Variants in CSMD2 observed in about 807,000 individuals in gnomAD.
CSMD2 encodes the protein CUB and sushi domain-containing protein 2.
A neutral mutation model predicts 398.5 loss-of-function variants in CSMD2; 130 were observed. That is an observed-to-expected ratio of 0.33 (90% CI 0.28 to 0.38). CSMD2 has a LOEUF of 0.38. CSMD2 is among the 10% of genes least tolerant of loss of function. CSMD2 has a pLI of 1.00. For missense variants in CSMD2, 3,829 were observed against 4,764.9 expected (o/e 0.80, Z 5.78); for synonymous variants, 1,828 against 1,908.5 (o/e 0.96, Z 1.10).
intron 1 of CSMD2, among the ~76,000 whole-genome samples, chr1:34,092,341 C>T (rs10436871): frequency 0.018 from 2,756 of 152,184 alleles, 49 homozygotes; most frequent in East Asian, 0.053. Flanking sequence ...CCCAATGACC[C>T]GTTTTAAGTT....
chr1:33,971,865 G>A (rs1394530154), intron 3 of CSMD2, among the ~76,000 whole-genome samples: 1 of 152,174 alleles, frequency 6.6e-6, no homozygotes, highest in Admixed American at 6.5e-5. Context: ...CTTCCAAAGA[G>A]GCAAAGGAGA....
chr1:33,546,101 C>T lies in CSMD2; in HGVS notation c.9036G>A (p.Arg3012=). ...RFSCEAGHVL[R]GSSERTCQAN... is the part of the protein sequence containing the mutation. Reference sequence around the variant, plus strand: ...CTTGACAGGTGCGCTCTGACGATCCCCGGAGCACGTGGCCAGCTTCACAGC... The same window carrying T: ...CTTGACAGGTGCGCTCTGACGATCCTCGGAGCACGTGGCCAGCTTCACAGC... The change falls in exon 57 of 71, where the codon CGG becomes CGA. Residue 3012 remains arginine, a synonymous_variant. Coordinates refer to ENST00000373381, the MANE Select transcript of CSMD2 (RefSeq NM_001281956.2). 1 of 1,614,156 alleles carries T rather than the reference C, an allele frequency of 6.2e-7. No individual in the cohort carries two copies. The highest frequency in any genetic ancestry group is 8.5e-7 in the Non-Finnish European group (1 of 1,180,032).
At chr1:33,586,778 C>T (rs769885985) in intron 45 of CSMD2, among the ~76,000 whole-genome samples, 161 bp from the exon 46 acceptor site, 4 of 152,216 alleles carry the variant, frequency 2.6e-5, no homozygotes, top group Non-Finnish European at 5.9e-5. Flanking sequence ...GCTCCCCTCT[C>T]ACAACTCAGC....
At chr1:33,613,551 A>C (rs1208033236) in intron 40 of CSMD2, among the ~76,000 whole-genome samples, 1 of 152,158 alleles carries the variant, frequency 6.6e-6, no homozygotes, top group Admixed American at 6.5e-5. Flanking sequence ...CCTCCCCTCC[A>C]ACCGGATTTA....
At chr1:33,618,361 T>C (rs1464021566) in intron 37 of CSMD2, among the ~76,000 whole-genome samples, 1 of 152,000 alleles carries the variant, frequency 6.6e-6, no homozygotes, top group Non-Finnish European at 1.5e-5. Context: ...CTCGTGTTGC[T>C]TAAAATCTCT....
chr1:34,146,369 C>T (rs1412331279), intron 1 of CSMD2, among the ~76,000 whole-genome samples: 2 of 152,226 alleles, frequency 1.3e-5, no homozygotes, highest in Non-Finnish European at 2.9e-5. Context: ...CCAGTCTTAA[C>T]CCAAAAGCTT....
chr1:34,022,423 C>T (rs533495767), intron 3 of CSMD2, among the ~76,000 whole-genome samples: 24 of 152,302 alleles, frequency 1.6e-4, no homozygotes, highest in African/African-American at 5.3e-4. Context: ...TTCCTTTAGA[C>T]CCTGAGCTCT....
intron 25 of CSMD2, among the ~76,000 whole-genome samples, chr1:33,668,249 G>A (rs1433276997): frequency 1.3e-5 from 2 of 152,156 alleles, no homozygotes; most frequent in Non-Finnish European, 2.9e-5. Flanking sequence ...GGAGATGTTT[G>A]GTGTGTACTA....
intron 1 of CSMD2, among the ~76,000 whole-genome samples, chr1:34,156,738 T>C (rs182209084): frequency 1.3e-5 from 2 of 152,350 alleles, no homozygotes; most frequent in East Asian, 1.9e-4. Flanking sequence ...CTCAGAGTAA[T>C]TTGGTGCTCT....
At chr1:33,974,938 A>G (rs192216126) in intron 3 of CSMD2, among the ~76,000 whole-genome samples, 2 of 152,284 alleles carry the variant, frequency 1.3e-5, no homozygotes, top group East Asian at 1.9e-4. Context: ...TGAAGAGGGT[A>G]CTCTATGGAC....
rs577586269 is a variant in CSMD2, at chr1:33,557,843, G to A, written c.8634C>T (p.Phe2878=). 1.6e-4 allele frequency: 251 copies of A among 1,536,114 alleles called. No individual in the cohort carries two copies. The highest frequency in any genetic ancestry group is 2.0e-4 in the Non-Finnish European group (233 of 1,146,902). Residue 2878 remains phenylalanine, a synonymous_variant, in exon 55 of 71, where the codon TTC becomes TTT. Coordinates refer to ENST00000373381, the MANE Select transcript of CSMD2 (RefSeq NM_001281956.2). ...VHASGPHRFS[F]GTTVSYRCNH... ...TGCACCGGTAAGACACAGTGGTGCC[G>A]AAGCTGAACCTGTGCGGGCCGCTGG...
At chr1:33,593,046 T>G (rs534288677) in intron 44 of CSMD2, among the ~76,000 whole-genome samples, 1 of 152,130 alleles carries the variant, frequency 6.6e-6, no homozygotes, top group South Asian at 2.1e-4. Flanking sequence ...CAAATGTCCA[T>G]AGAGGGATGA....
intron 5 of CSMD2, among the ~76,000 whole-genome samples, chr1:33,899,706 G>T (rs1276066180): frequency 6.6e-6 from 1 of 152,232 alleles, no homozygotes; most frequent in Non-Finnish European, 1.5e-5. Flanking sequence ...TTCCCAGCAG[G>T]TTACAGTGAG....
At chr1:33,880,079 T>C (rs987154872) in intron 5 of CSMD2, among the ~76,000 whole-genome samples, 7 of 152,160 alleles carry the variant, frequency 4.6e-5, no homozygotes, top group Non-Finnish European at 7.3e-5. Flanking sequence ...TAACAGCTAG[T>C]CAGTGGATGA....
At chr1:33,815,652 T>C (rs569812703) in intron 9 of CSMD2, among the ~76,000 whole-genome samples, 2 of 152,362 alleles carry the variant, frequency 1.3e-5, no homozygotes, top group East Asian at 1.9e-4. Flanking sequence ...CTTGGGCAAG[T>C]TGGCTGCCCA....
intron 5 of CSMD2, among the ~76,000 whole-genome samples, chr1:33,849,795 C>A (rs1023605820): frequency 2.0e-5 from 3 of 149,610 alleles, no homozygotes; most frequent in African/African-American, 7.4e-5. Flanking sequence ...TGGATAGCAT[C>A]TCCAAAATAT....
chr1:33,743,931 T>G (rs1448915621), intron 13 of CSMD2, among the ~76,000 whole-genome samples: 1 of 152,220 alleles, frequency 6.6e-6, no homozygotes, highest in Non-Finnish European at 1.5e-5. Context: ...TCCATCCAAC[T>G]GTCTATTTGT....
chr1:33,527,907 C>T (rs1368879296), intron 64 of CSMD2, among the ~76,000 whole-genome samples: 2 of 148,530 alleles, frequency 1.3e-5, no homozygotes, highest in Non-Finnish European at 3.0e-5. Context: ...TGCCACTGCA[C>T]TCCAGCCTGG....
At chr1:33,520,982 G>T (rs1654222636) in intron 68 of CSMD2, among the ~76,000 whole-genome samples, 1 of 152,240 alleles carries the variant, frequency 6.6e-6, no homozygotes, top group African/African-American at 2.4e-5. Flanking sequence ...AGAGGCCAGG[G>T]AAGGACCAGG....
Sources: gnomAD v4.1 joint callset for allele counts (sites outside exome capture counted in the v4.1 genomes callset) on GRCh38, gnomAD v4.1.1 for gene constraint, MANE v1.5 for transcripts, NCBI Gene and HGNC (gene_info 2026-07-23, HGNC 2026-07-21) for gene names.